The following ZNF552 variants were observed in gnomAD, a reference collection of about 807,000 sequenced individuals.
ZNF552 encodes the protein zinc finger protein 552.
In ZNF552, 2 loss-of-function variants were observed where a neutral mutation model predicts 7.2. The observed-to-expected ratio is 0.28, with a 90% CI of 0.11 to 0.88. The LOEUF is 0.88. Ranked by LOEUF, ZNF552 falls within the 40% of genes least tolerant of loss-of-function variation. ZNF552 has a pLI of 0.60. For missense variants in ZNF552, 421 were observed against 493.4 expected, an observed-to-expected ratio of 0.85 and a Z score of 1.39; for synonymous variants, 173 against 176.5, an observed-to-expected ratio of 0.98 and a Z score of 0.16.
At chr19:57,813,228 C>G in intron 2 of ZNF552, 66 bp downstream of exon 2, 1 of 1,601,024 alleles carries the variant, frequency 6.2e-7, no homozygotes, top group East Asian at 2.2e-5. Flanking sequence ...AAAGTCTTGC[C>G]AATAGAAAAA....
intron 2 of ZNF552, among the ~76,000 whole-genome samples, chr19:57,809,646 T>TA (rs5828732): frequency 0.23 from 33,378 of 144,816 alleles, 4,234 homozygotes; most frequent in African/African-American, 0.36. Context: ...TTAAAGGATT[T>TA]AAAAAAAAAA....
Position 57,808,529 on chromosome 19 carries a change from A to C in ZNF552, c.735T>G (p.Cys245Trp). The C allele has an allele frequency of 6.2e-7, 1 of 1,614,032 alleles. No homozygotes were observed. Among genetic ancestry groups the C allele is most frequent in the Non-Finnish European group, 8.5e-7 (1 of 1,179,934 alleles). The part of the protein sequence containing the change: ...PTEEPSVWCE[C>W]GKSSSKYDSF... ...TGTCATATTTGCTAGAGGATTTCCCACATTCACACCACACAGAAGGTTCTT... is the reference window on the plus strand; with the variant it reads ...TGTCATATTTGCTAGAGGATTTCCCCCATTCACACCACACAGAAGGTTCTT... The change falls in exon 3 of 3, where the codon TGT becomes TGG. Residue 245 changes from cysteine (C) to tryptophan (W), a missense_variant. Cys to Trp is a radical substitution (Grantham distance 215). This residue lies in a region of ZNF552 where 299 missense variants were observed against 293.7 expected (regional missense o/e 1.02). Coordinates refer to ENST00000391701, the MANE Select transcript of ZNF552 (RefSeq NM_024762.3).
chr19:57,808,130 C>A lies in ZNF552; in HGVS notation c.1134G>T (p.Lys378Asn). 1 of 1,614,166 alleles carries A rather than the reference C, an allele frequency of 6.2e-7. No homozygotes were observed. Among genetic ancestry groups the A allele is most frequent in the Non-Finnish European group, 8.5e-7 (1 of 1,180,038 alleles). ...TKHRRVHTGE[K>N]PYGCSECEKK... is the part of the protein sequence containing the mutation. Reference sequence around the variant, plus strand: ...TTTCACATTCACTGCACCCGTAAGGCTTTTCTCCAGTGTGAACTCTCCTGT... The same window carrying A: ...TTTCACATTCACTGCACCCGTAAGGATTTTCTCCAGTGTGAACTCTCCTGT... Residue 378 changes from lysine (K) to asparagine (N), a missense_variant, in exon 3 of 3, where the codon AAG (lysine) becomes AAT (asparagine). Physicochemically the swap from Lys to Asn is moderately conservative, Grantham distance 94. Coordinates refer to ENST00000391701, the MANE Select transcript of ZNF552 (RefSeq NM_024762.3).
chr19:57,814,495 G>A (rs1194149454), intron 1 of ZNF552: 1 of 1,534,820 alleles, frequency 6.5e-7, no homozygotes, highest in Non-Finnish European at 8.7e-7. Context: ...TCCCGGATCC[G>A]TCCATCTCCA....
chr19:57,814,674 G>A, intron 1 of ZNF552, 37 bp downstream of exon 1: 1 of 1,614,050 alleles, frequency 6.2e-7, no homozygotes, highest in Non-Finnish European at 8.5e-7. Flanking sequence ...TGTGTGACTA[G>A]GAGGTGACCG....
rs1355823820 is a variant in ZNF552, at chr19:57,807,820, G to A, written c.*220C>T. On this transcript the variant is annotated 3_prime_UTR_variant, in exon 3 of 3. Coordinates refer to ENST00000391701, the MANE Select transcript of ZNF552 (RefSeq NM_024762.3). ...TATCCTGTATTTGTCACACTAGTAA[G>A]GCCTTCATTCAGTGTTAACTATAAT... The A allele has an allele frequency of 1.6e-6, 1 of 625,216 alleles. No individual in the cohort carries two copies. The highest frequency in any genetic ancestry group is 2.5e-6 in the Non-Finnish European group (1 of 401,714). 38.7% of individuals were successfully genotyped at this position (625,216 alleles called of 1,614,324 possible). A position where few individuals can be genotyped will look rare whatever the true frequency, so the allele number is the denominator to read the frequency against.
In ZNF552 at chr19:57,808,391, A is replaced by G. The variant is rs1433207339; in HGVS notation, c.873T>C (p.Thr291=). The change falls in exon 3 of 3, where the codon ACT becomes ACC. Residue 291 remains threonine, a synonymous_variant. Coordinates refer to ENST00000391701, the MANE Select transcript of ZNF552 (RefSeq NM_024762.3). ...SHLLVHQRIH[T]GEKPYECEVC... Reference sequence around the variant, plus strand: ...CCTCACACTCATATGGCTTCTCTCCAGTGTGAATTCTCTGGTGTACAAGGA... The same window carrying G: ...CCTCACACTCATATGGCTTCTCTCCGGTGTGAATTCTCTGGTGTACAAGGA... 6.2e-7 allele frequency: 1 copy of G among 1,613,512 alleles called. No individual in the cohort carries two copies. Among genetic ancestry groups the G allele is most frequent in the East Asian group, 2.2e-5 (1 of 44,894 alleles).
Position 57,808,541 on chromosome 19 carries a change from C to T in ZNF552, c.723G>A (p.Val241=), listed in dbSNP as rs202067603. 1 of 1,614,150 alleles carries T rather than the reference C, an allele frequency of 6.2e-7. No homozygotes were observed. Among genetic ancestry groups the T allele is most frequent in the East Asian group, 2.2e-5 (1 of 44,890 alleles). ...TAGAGGATTTCCCACATTCACACCACACAGAAGGTTCTTCTGTAGGGAGCA... is the reference window on the plus strand; with the variant it reads ...TAGAGGATTTCCCACATTCACACCATACAGAAGGTTCTTCTGTAGGGAGCA... ...ERLLPTEEPS[V]WCECGKSSSK... Residue 241 remains valine, a synonymous_variant, in exon 3 of 3, where the codon GTG becomes GTA. Transcript: ENST00000391701.
Position 57,813,302 on chromosome 19 carries a change from G to A in ZNF552, c.152C>T (p.Ser51Phe), listed in dbSNP as rs1440850692. ...DVTLENLALM[S>F]SLGCWCGVED... ...GAGTGTGGGCAACTTACCCAGGGAG[G>A]ACATAAGTGCCAGGTTCTCCAGCGT... The change falls in exon 2 of 3, where the codon TCC (serine) becomes TTC (phenylalanine). Residue 51 changes from serine to phenylalanine, a missense_variant. By Grantham distance (155) the Ser-to-Phe change is radical. Around this residue, in one of 2 missense-constraint regions of ZNF552, gnomAD observed 122 missense variants for 199.7 expected, o/e 0.61. Transcript: ENST00000391701. 5.0e-6 allele frequency: 8 copies of A among 1,614,044 alleles called. No individual in the cohort carries two copies. Among genetic ancestry groups the A allele is most frequent in the Non-Finnish European group, 5.9e-6 (7 of 1,180,032 alleles).
chr19:57,814,001 T>C (rs1362383541), intron 1 of ZNF552, among the ~76,000 whole-genome samples: 1 of 148,866 alleles, frequency 6.7e-6, no homozygotes, highest in Non-Finnish European at 1.5e-5. Context: ...CCCAAAGTGC[T>C]GGGATTACAG....
At chr19:57,810,091 C>G (rs563587207) in intron 2 of ZNF552, among the ~76,000 whole-genome samples, 29 of 151,506 alleles carry the variant, frequency 1.9e-4, no homozygotes, top group Middle Eastern at 3.4e-3. Context: ...ACAAAAATGA[C>G]AGTGTGAGAA....
intron 2 of ZNF552, among the ~76,000 whole-genome samples, chr19:57,811,025 C>T (rs1160214531): frequency 6.6e-6 from 1 of 152,184 alleles, no homozygotes; most frequent in African/African-American, 2.4e-5. Flanking sequence ...GAACCTCTCC[C>T]CACTATTACC....
chr19:57,808,627 T>A lies in ZNF552; in HGVS notation c.637A>T (p.Ser213Cys). The A allele has an allele frequency of 6.2e-7, 1 of 1,614,190 alleles. No homozygotes were observed. The change falls in exon 3 of 3, where the codon AGC becomes TGC. Residue 213 changes from serine to cysteine, a missense_variant. Ser to Cys is a moderately radical substitution (Grantham distance 112). Coordinates refer to ENST00000391701, the MANE Select transcript of ZNF552 (RefSeq NM_024762.3). ...SLFHGGKSHYSCGGCMKHFST... is the reference protein window; with the variant it reads ...SLFHGGKSHYCCGGCMKHFST... ...AAATGTTTCATGCATCCTCCACAGC[T>A]GTAATGGCTTTTTCCCCCATGAAAC...
chr19:57,810,081 A>T (rs1439284480), intron 2 of ZNF552, among the ~76,000 whole-genome samples: 2 of 152,110 alleles, frequency 1.3e-5, no homozygotes, highest in African/African-American at 2.4e-5. Flanking sequence ...ACTCCAGGTA[A>T]CAAAAATGAC....
At chr19:57,812,461 A>G (rs867789850) in intron 2 of ZNF552, among the ~76,000 whole-genome samples, 1 of 152,216 alleles carries the variant, frequency 6.6e-6, no homozygotes, top group Admixed American at 6.5e-5. Flanking sequence ...AACCAAGTAC[A>G]TGAGACATAC....
chr19:57,809,281 A>C, intron 2 of ZNF552, 178 bp from the exon 3 acceptor site: 5 of 1,448,908 alleles, frequency 3.5e-6, no homozygotes, highest in Non-Finnish European at 4.7e-6. Flanking sequence ...ATGGTCACAG[A>C]ATGTAGGAGG....
chr19:57,809,124 G>A (rs1425173544), intron 2 of ZNF552, 21 bp from the exon 3 acceptor site: 33 of 1,538,442 alleles, frequency 2.1e-5, no homozygotes, highest in Non-Finnish European at 2.9e-5. Flanking sequence ...GAAAATGCTG[G>A]TGAAGTGCAT....
chr19:57,808,064 T>C lies in ZNF552; in HGVS notation c.1200A>G (p.Arg400=). ...RQISSLRHHQ[R]VHKRKGL Reference sequence around the variant, plus strand: ...CTCATAAGCCCTTTCTTTTGTGAACTCTCTGATGATGACGAAGTGAAGAGA... The same window carrying C: ...CTCATAAGCCCTTTCTTTTGTGAACCCTCTGATGATGACGAAGTGAAGAGA... The change falls in exon 3 of 3, where the codon AGA becomes AGG. Residue 400 remains arginine, a synonymous_variant. Coordinates refer to ENST00000391701, the MANE Select transcript of ZNF552 (RefSeq NM_024762.3). 1.2e-6 allele frequency: 2 copies of C among 1,611,910 alleles called. No individual in the cohort carries two copies. The highest frequency in any genetic ancestry group is 1.7e-6 in the Non-Finnish European group (2 of 1,179,032).
intron 2 of ZNF552, among the ~76,000 whole-genome samples, chr19:57,812,000 GC>G (rs1257120996): frequency 7.5e-6 from 1 of 133,472 alleles, no homozygotes; most frequent in Non-Finnish European, 1.5e-5. Context: ...CTACACTCCA[GC>G]CTGGGCAACA....
Sources: allele counts gnomAD v4.1 joint callset (sites outside exome capture counted in the v4.1 genomes callset), GRCh38; gene constraint gnomAD v4.1.1; regional missense constraint gnomAD v4.1.1; transcripts MANE v1.5; gene names NCBI Gene and HGNC (gene_info 2026-07-23, HGNC 2026-07-21).